RAD51B: variants seen among roughly 807,000 people sequenced by gnomAD.
The protein encoded by RAD51B is RAD51 paralog B.
A neutral mutation model predicts 42.2 loss-of-function variants in RAD51B; 38 were observed. That is an observed-to-expected ratio of 0.90 (90% CI 0.70 to 1.18). RAD51B has a LOEUF of 1.18. Ranked by LOEUF, RAD51B falls within the 50% of genes most tolerant of loss-of-function variation. RAD51B has a pLI of 0.00. For missense variants in RAD51B, 373 were observed against 400.7 expected, an observed-to-expected ratio of 0.93 and a Z score of 0.59; for synonymous variants, 154 against 145.2, an observed-to-expected ratio of 1.06 and a Z score of -0.43.
chr14:68,119,186 G>A (rs935412823), intron 7 of RAD51B, among the ~76,000 whole-genome samples: 8 of 150,684 alleles, frequency 5.3e-5, no homozygotes, highest in Admixed American at 3.3e-4. Flanking sequence ...ACGTGCCACC[G>A]TACTCAACTA....
rs550939201 is a variant in RAD51B at position 67,924,008 on chromosome 14, G to A, written c.756+36804G>A. 7.2e-5 allele frequency among the ~76,000 whole-genome samples: 11 copies of A among 152,068 alleles called. No homozygotes were observed. In the East Asian group the frequency reaches 1.2e-3, roughly 16 times the overall value. ...TTGAGCATTTTTTCATATGCTTGTCGGCCATTTGTATATCTTCTTTTGAGA... is the reference window on the plus strand; with the variant it reads ...TTGAGCATTTTTTCATATGCTTGTCAGCCATTTGTATATCTTCTTTTGAGA... On this transcript the variant is annotated intron_variant, in intron 7 of 10. Transcript: ENST00000471583.
At chr14:68,386,777 G>A (rs544390163) in intron 8 of RAD51B, among the ~76,000 whole-genome samples, 2 of 152,140 alleles carry the variant, frequency 1.3e-5, no homozygotes, top group African/African-American at 4.8e-5. Context: ...AGCAAGCAGA[G>A]GGAAGGTGAT....
At chr14:68,355,556 A>G (rs1370089274) in intron 8 of RAD51B, among the ~76,000 whole-genome samples, 1 of 152,330 alleles carries the variant, frequency 6.6e-6, no homozygotes, top group Admixed American at 6.5e-5. Flanking sequence ...AACCGGACTG[A>G]ATAAAATTCA....
chr14:68,307,778 C>T (rs970380249), intron 8 of RAD51B, among the ~76,000 whole-genome samples: 6 of 152,230 alleles, frequency 3.9e-5, no homozygotes, highest in African/African-American at 9.6e-5. Context: ...AACTGGATTT[C>T]TTATACACAA....
intron 4 of RAD51B, among the ~76,000 whole-genome samples, chr14:67,838,736 G>A (rs2041330041): frequency 6.6e-6 from 1 of 151,752 alleles, no homozygotes; most frequent in South Asian, 2.1e-4. Context: ...GTGAGCTACT[G>A]CGCCTGGCCT....
chr14:68,503,796 G>A (rs1472274733), intron 10 of RAD51B, among the ~76,000 whole-genome samples: 2 of 152,212 alleles, frequency 1.3e-5, no homozygotes, highest in African/African-American at 2.4e-5. Flanking sequence ...CTGACCAAGA[G>A]GAATCCTTTG....
chr14:68,388,205 C>T (rs1286475840), intron 8 of RAD51B, among the ~76,000 whole-genome samples: 1 of 151,650 alleles, frequency 6.6e-6, no homozygotes, highest in African/African-American at 2.4e-5. Context: ...GCGATTCTCC[C>T]ACCTCAGCCT....
In RAD51B at chr14:67,871,706, G is replaced by A. The variant is rs529261373; in HGVS notation, c.452+6567G>A. ...ATCCTCAATAAAATACTGGCAAACC[G>A]AATCCAGCAACACATCAAAAAGCTT... is the stretch of plus-strand genomic sequence containing the variant. On this transcript the variant is annotated intron_variant, in intron 5 of 10. Coordinates refer to ENST00000471583, the MANE Select transcript of RAD51B (RefSeq NM_133510.4). Among the ~76,000 whole-genome samples the A allele has an allele frequency of 2.1e-4, 32 of 149,250 alleles. 1 individual carries two copies. The East Asian group carries it at 3.9e-3, about 18-fold the overall frequency.
intron 7 of RAD51B, among the ~76,000 whole-genome samples, chr14:68,290,166 A>T (rs951624326): frequency 6.6e-6 from 1 of 152,240 alleles, no homozygotes; most frequent in African/African-American, 2.4e-5. Flanking sequence ...ATTTCTGTTC[A>T]AATCAGGGTA....
intron 7 of RAD51B, among the ~76,000 whole-genome samples, chr14:68,006,820 G>A (rs1228866330): frequency 1.3e-5 from 2 of 152,092 alleles, no homozygotes; most frequent in African/African-American, 4.8e-5. Context: ...TGATGATAGA[G>A]TATTAACTTT....
intron 10 of RAD51B, among the ~76,000 whole-genome samples, chr14:68,602,659 T>C (rs1253015125): frequency 6.6e-6 from 1 of 152,240 alleles, no homozygotes; most frequent in East Asian, 1.9e-4. Flanking sequence ...TCTCTTCTCT[T>C]AAGGCCTTTG....
intron 7 of RAD51B, among the ~76,000 whole-genome samples, chr14:68,051,874 A>ATG (rs72459876): frequency 0.022 from 3,213 of 148,814 alleles, 51 homozygotes; most frequent in Admixed American, 0.055. Context: ...CCTCCCACAT[A>ATG]TGTGTGTGTG....
At chr14:68,265,477 CG>C (rs2080972275) in intron 7 of RAD51B, among the ~76,000 whole-genome samples, 2 of 152,166 alleles carry the variant, frequency 1.3e-5, no homozygotes, top group South Asian at 2.1e-4. Flanking sequence ...CGGCCAGGCG[CG>C]GTGGCTCACA....
At chr14:68,228,495 A>T (rs917008481) in intron 7 of RAD51B, among the ~76,000 whole-genome samples, 2 of 152,166 alleles carry the variant, frequency 1.3e-5, no homozygotes, top group Non-Finnish European at 2.9e-5. Context: ...ACAGTGTGAA[A>T]ATTTGCTGAA....
intron 7 of RAD51B, chr14:67,908,970 C>T (rs1566952947): frequency 6.6e-6 from 1 of 152,030 alleles, no homozygotes; most frequent in Admixed American, 6.6e-5. Context: ...TTGTCATTCT[C>T]TTTCATTAGT....
chr14:68,464,419 T>C (rs1169606303), intron 9 of RAD51B, among the ~76,000 whole-genome samples: 1 of 152,282 alleles, frequency 6.6e-6, no homozygotes, highest in Non-Finnish European at 1.5e-5. Context: ...ATTTATTTTG[T>C]ACTTCTTATC....
At chr14:68,061,457 A>G (rs1164935712) in intron 7 of RAD51B, among the ~76,000 whole-genome samples, 2 of 152,144 alleles carry the variant, frequency 1.3e-5, no homozygotes, top group Admixed American at 1.3e-4. Context: ...GAGGGGGATC[A>G]CACTGAATCT....
chr14:68,292,211 C>A (rs2081531346), intron 8 of RAD51B, among the ~76,000 whole-genome samples: 1 of 152,198 alleles, frequency 6.6e-6, no homozygotes, highest in African/African-American at 2.4e-5. Flanking sequence ...AGTCACTCCT[C>A]TGTGTGTTAT....
chr14:68,132,154 G>T (rs775136920), intron 7 of RAD51B, among the ~76,000 whole-genome samples: 10 of 152,146 alleles, frequency 6.6e-5, no homozygotes, highest in Non-Finnish European at 1.5e-4. Context: ...AAAACTAGGG[G>T]ATCTGGCTTG....
Sources: gnomAD v4.1 joint callset for allele counts (sites outside exome capture counted in the v4.1 genomes callset) on GRCh38, gnomAD v4.1.1 for gene constraint, MANE v1.5 for transcripts, NCBI Gene and HGNC (gene_info 2026-07-23, HGNC 2026-07-21) for gene names.